The following GALNT1 variants were observed in gnomAD, a reference collection of about 807,000 sequenced individuals.
The protein encoded by GALNT1 is GalNAc transferase 1.
In GALNT1, 17 loss-of-function variants were observed where a neutral mutation model predicts 65.7. The observed-to-expected ratio is 0.26, with a 90% CI of 0.18 to 0.39. The LOEUF (loss-of-function observed/expected upper bound fraction) is 0.39, where lower values mean the gene tolerates loss of function less well. GALNT1 is among the 10% of genes least tolerant of loss of function. GALNT1 has a pLI of 1.00. For synonymous variants in GALNT1, 210 were observed against 219.7 expected, an observed-to-expected ratio of 0.96 and a Z score of 0.39; for missense variants, 460 against 672.8, an observed-to-expected ratio of 0.68 and a Z score of 3.50.
rs558679726 is a variant in GALNT1 at position 35,632,154 on chromosome 18, C to G, written c.-103-22406C>G. Reference sequence around the variant, plus strand: ...GTAATTTAGAGATTCAATGCCATCCCCATCAAGCTACCAATGACTTTCTTC... The same window carrying G: ...GTAATTTAGAGATTCAATGCCATCCGCATCAAGCTACCAATGACTTTCTTC... On this transcript the variant is annotated intron_variant, in intron 1 of 11. Coordinates refer to ENST00000269195, the MANE Select transcript of GALNT1 (RefSeq NM_020474.4). 2.6e-5 allele frequency among the ~76,000 whole-genome samples: 4 copies of G among 152,304 alleles called. No individual in the cohort carries two copies. In the East Asian group the frequency reaches 5.8e-4, roughly 22 times the overall value.
intron 9 of GALNT1, among the ~76,000 whole-genome samples, chr18:35,695,463 G>A (rs968282195): frequency 2.0e-5 from 3 of 152,068 alleles, no homozygotes; most frequent in African/African-American, 4.8e-5. Flanking sequence ...AGAAGGTGTT[G>A]GTGAGGGGGA....
In GALNT1 at chr18:35,703,111, A is replaced by G. The variant is rs910897587; in HGVS notation, c.1398+116A>G. The G allele has an allele frequency of 3.5e-5, 22 of 625,680 alleles. No individual in the cohort carries two copies. In the African/African-American group the frequency reaches 3.8e-4, roughly 11 times the overall value. The allele number at this position is 625,680 out of a possible 1,614,324, so 38.8% of individuals were successfully genotyped here. A position where few individuals can be genotyped will look rare whatever the true frequency, so the allele number is the denominator to read the frequency against. On this transcript the variant is annotated intron_variant, in intron 10 of 11. Coordinates refer to ENST00000269195, the MANE Select transcript of GALNT1 (RefSeq NM_020474.4). ...TTTTCCTTCCTTTAAAGAGAAAATA[A>G]TAAAGACTTTTAGGTGAAGGAAGCT...
intron 6 of GALNT1, among the ~76,000 whole-genome samples, chr18:35,688,635 TA>T (rs1244356775): frequency 6.6e-6 from 1 of 152,136 alleles, no homozygotes; most frequent in Non-Finnish European, 1.5e-5. Context: ...CTCCTCTCCT[TA>T]AAGATTTCTA....
intron 1 of GALNT1, among the ~76,000 whole-genome samples, chr18:35,608,028 G>C (rs1227568298): frequency 1.3e-5 from 2 of 151,992 alleles, no homozygotes; most frequent in South Asian, 2.1e-4. Context: ...ATAGGGATTT[G>C]GGGGAATTAC....
In GALNT1 at chr18:35,618,169, C is replaced by T. The variant is rs574056054; in HGVS notation, c.-104+36307C>T. ...AATGAGATAGCATTATGTGCAGTAC[C>T]ATTAGGAAAATAATTTTACATCATT... On this transcript the variant is annotated intron_variant, in intron 1 of 11. Coordinates refer to ENST00000269195, the MANE Select transcript of GALNT1 (RefSeq NM_020474.4). Among the ~76,000 whole-genome samples, 145 of 152,070 alleles carry T rather than the reference C, an allele frequency of 9.5e-4. 1 individual carries two copies. Among genetic ancestry groups the T allele is most frequent in the African/African-American group, 3.0e-3 (126 of 41,506 alleles).
chr18:35,627,511 C>T (rs2046933756), intron 1 of GALNT1: 1 of 152,096 alleles, frequency 6.6e-6, no homozygotes, highest in Admixed American at 6.6e-5. Flanking sequence ...GAGTGAATGA[C>T]TTTAGGGCTC....
At chr18:35,628,258 C>G (rs2046947308) in intron 1 of GALNT1, among the ~76,000 whole-genome samples, 1 of 152,184 alleles carries the variant, frequency 6.6e-6, no homozygotes. Flanking sequence ...TGAGAATGGA[C>G]AGACTGCCTC....
At chr18:35,705,213 A>T (rs950524460) in intron 11 of GALNT1, among the ~76,000 whole-genome samples, 3 of 152,156 alleles carry the variant, frequency 2.0e-5, no homozygotes, top group African/African-American at 7.2e-5. Flanking sequence ...ATCTAAGATA[A>T]TATGCTTCCC....
intron 1 of GALNT1, among the ~76,000 whole-genome samples, chr18:35,598,428 C>G (rs1307472546): frequency 6.6e-6 from 1 of 152,138 alleles, no homozygotes; most frequent in African/African-American, 2.4e-5. Context: ...ATTTCACTCT[C>G]TACCTCTGTG....
At chr18:35,648,131 G>GGAAT (rs2047258684) in intron 1 of GALNT1, among the ~76,000 whole-genome samples, 1 of 143,260 alleles carries the variant, frequency 7.0e-6, no homozygotes, top group African/African-American at 2.6e-5. Context: ...AGGGAGGGAA[G>GGAAT]GAAGGAAGGG....
At chr18:35,686,061 T>C (rs1174997497) in intron 5 of GALNT1, among the ~76,000 whole-genome samples, 2 of 152,050 alleles carry the variant, frequency 1.3e-5, no homozygotes, top group Admixed American at 1.3e-4. Context: ...GGAGTGAGAC[T>C]CCATCTCCAA....
chr18:35,694,819 T>C (rs1019297930), intron 9 of GALNT1, among the ~76,000 whole-genome samples: 1 of 152,180 alleles, frequency 6.6e-6, no homozygotes, highest in East Asian at 1.9e-4. Flanking sequence ...CAACGTACAA[T>C]GGAATATTTT....
intron 5 of GALNT1, among the ~76,000 whole-genome samples, chr18:35,685,707 A>G (rs1373705951): frequency 6.6e-6 from 1 of 152,210 alleles, no homozygotes; most frequent in Non-Finnish European, 1.5e-5. Flanking sequence ...TGTGAAGAAA[A>G]CGAATCTATA....
intron 1 of GALNT1, among the ~76,000 whole-genome samples, chr18:35,644,983 T>A (rs2144321732): frequency 6.6e-6 from 1 of 152,066 alleles, no homozygotes; most frequent in African/African-American, 2.4e-5. Flanking sequence ...AGAGCAAGAC[T>A]CTGTCTCAAA....
intron 1 of GALNT1, chr18:35,595,939 T>C (rs1462004687): frequency 6.6e-6 from 1 of 152,102 alleles, no homozygotes; most frequent in East Asian, 1.9e-4. Context: ...ACCAGTTGGG[T>C]GTGACATGCT....
chr18:35,679,991 G>C (rs1366182313), intron 4 of GALNT1, among the ~76,000 whole-genome samples: 1 of 152,036 alleles, frequency 6.6e-6, no homozygotes, highest in African/African-American at 2.4e-5. Context: ...TGCCTCCAGA[G>C]TGAGCTTTTT....
intron 1 of GALNT1, among the ~76,000 whole-genome samples, chr18:35,590,777 TG>T (rs1373519037): frequency 1.3e-5 from 2 of 152,218 alleles, no homozygotes; most frequent in Admixed American, 6.5e-5. Context: ...TCCCCATGCG[TG>T]GCAGGGACTG....
chr18:35,670,270 G>A (rs734594), intron 3 of GALNT1, among the ~76,000 whole-genome samples: 1,596 of 151,938 alleles, frequency 0.011, 12 homozygotes, highest in Non-Finnish European at 0.016. Context: ...CTCCAGCCTC[G>A]GTGACAGTGT....
intron 5 of GALNT1, among the ~76,000 whole-genome samples, chr18:35,684,792 G>GGTAGGGT (rs574871505): frequency 5.4e-4 from 83 of 152,352 alleles, no homozygotes; most frequent in African/African-American, 1.6e-3. Context: ...AGCTTTCGCT[G>GGTAGGGT]GTAGGGTTTC....
Sources: gnomAD v4.1 joint callset for allele counts (sites outside exome capture counted in the v4.1 genomes callset) on GRCh38, gnomAD v4.1.1 for gene constraint, MANE v1.5 for transcripts, NCBI Gene and HGNC (gene_info 2026-07-23, HGNC 2026-07-21) for gene names.